Variants in KDM2B observed in about 807,000 individuals in gnomAD.
KDM2B encodes lysine demethylase 2B.
KDM2B carries 26 observed loss-of-function variants against 150.0 expected under a neutral mutation model. The ratio of observed to expected loss-of-function variants is 0.17; its 90% CI spans 0.13 to 0.24. The LOEUF (loss-of-function observed/expected upper bound fraction) is 0.24. KDM2B is among the 10% of genes least tolerant of loss of function. The pLI, the probability that KDM2B is intolerant of heterozygous loss-of-function variation, is 1.00. For synonymous variants in KDM2B, 734 were observed against 729.5 expected, an observed-to-expected ratio of 1.01 and a Z score of -0.10; for missense variants, 1,265 against 1,816.9, an observed-to-expected ratio of 0.70 and a Z score of 5.52.
chr12:121,516,813 A>G, intron 9 of KDM2B: 1 of 677,088 alleles, frequency 1.5e-6, no homozygotes, highest in Non-Finnish European at 2.6e-6. Flanking sequence ...AAGGACTTGA[A>G]AAAGTCAAAA....
chr12:121,529,317 T>A (rs554726592), intron 8 of KDM2B, among the ~76,000 whole-genome samples: 1 of 152,264 alleles, frequency 6.6e-6, no homozygotes. Flanking sequence ...ACCATCAGCA[T>A]CCTATGAGCT....
chr12:121,411,235 A>C, the KDM2B span, among the ~76,000 whole-genome samples: 1 of 151,864 alleles, frequency 6.6e-6, no homozygotes, highest in East Asian at 1.9e-4. Context: ...GCCTGTTTTT[A>C]ATTTTTTATT....
At chr12:121,568,265 T>G (rs1890851556) in intron 4 of KDM2B, among the ~76,000 whole-genome samples, 2 of 151,968 alleles carry the variant, frequency 1.3e-5, no homozygotes, top group Non-Finnish European at 2.9e-5. Flanking sequence ...GCTCAGAAAT[T>G]TGAGACTAGC....
At position 121,467,056 on chromosome 12, in the gene KDM2B, A is replaced by G. The variant is rs1295565312; in HGVS notation, c.1735-13712T>C. On this transcript the variant is annotated intron_variant, in intron 12 of 22. Transcript: ENST00000377071. The surrounding 1 kb of genome is among the most constrained non-coding windows in gnomAD (Gnocchi z 5.1). ...GCAGCGGCAGCAAAACTTTCTCCTCATCGCGGCGGCGGCGGCGTCGCGGCC... is the reference window on the plus strand; with the variant it reads ...GCAGCGGCAGCAAAACTTTCTCCTCGTCGCGGCGGCGGCGGCGTCGCGGCC... 9 of 574,374 alleles carry G rather than the reference A, an allele frequency of 1.6e-5. No individual in the cohort carries two copies. Among genetic ancestry groups the G allele is most frequent in the Non-Finnish European group, 2.0e-5 (9 of 442,032 alleles). The allele number at this position is 574,374 out of a possible 1,614,324, so 35.6% of individuals were successfully genotyped here. A position where few individuals can be genotyped will look rare whatever the true frequency, so the allele number is the denominator to read the frequency against.
rs1482068330 is a variant in KDM2B at position 121,452,517 on chromosome 12, G to A, written c.1959+603C>T. On this transcript the variant is annotated intron_variant, in intron 13 of 22. Coordinates refer to ENST00000377071, the MANE Select transcript of KDM2B (RefSeq NM_032590.5). This position sits in a 1 kb window ranked among gnomAD's most constrained non-coding sequence, Gnocchi z 4.4. ...CCACAGGGAGGACCGCCGGCCCCCG[G>A]GGAGCAGCGCCCTGAGGAAGGCAGA... Among the ~76,000 whole-genome samples, 2 of 152,228 alleles carry A rather than the reference G, an allele frequency of 1.3e-5. No individual in the cohort carries two copies. The highest frequency in any genetic ancestry group is 3.9e-4 in the East Asian group (2 of 5,192).
intron 13 of KDM2B, among the ~76,000 whole-genome samples, chr12:121,448,976 C>T (rs1484532063): frequency 1.3e-5 from 2 of 152,192 alleles, no homozygotes; most frequent in Non-Finnish European, 2.9e-5. Context: ...GGCAAGGCCG[C>T]GGGGCCTCAA....
intron 13 of KDM2B, among the ~76,000 whole-genome samples, chr12:121,449,458 C>A (rs932579605): frequency 2.6e-5 from 4 of 152,050 alleles, no homozygotes; most frequent in African/African-American, 9.7e-5. Flanking sequence ...CCAGAAGCCA[C>A]GTCAAGCTGA....
At position 121,430,313 on chromosome 12, in the gene KDM2B, T is replaced by C. The variant is rs543335672; in HGVS notation, c.3986A>G (p.Glu1329Gly). The C allele has an allele frequency of 1.4e-5, 22 of 1,614,236 alleles. No individual in the cohort carries two copies. In the South Asian group the frequency reaches 2.3e-4, roughly 17 times the overall value. Reference protein sequence around the residue: ...SVSVQFGQVEEKLLQKLS With the variant: ...SVSVQFGQVEGKLLQKLS ...CTAACTCAGTTTTTGCAGGAGTTTT[T>C]CTTCTACTTGCCCAAACTGGACACT... Residue 1329 changes from glutamate to glycine, a missense_variant, in exon 23 of 23, where the codon GAA becomes GGA. Physicochemically the swap from Glu to Gly is moderately conservative, Grantham distance 98. Transcript: ENST00000377071. This position sits in a 1 kb window ranked among gnomAD's most constrained non-coding sequence, Gnocchi z 4.4.
downstream of KDM2B, among the ~76,000 whole-genome samples, chr12:121,424,806 T>C (rs567734553): frequency 5.3e-5 from 8 of 152,296 alleles, no homozygotes; most frequent in South Asian, 4.1e-4. Context: ...TAACTGCTGA[T>C]GTGCTGTTTC....
At chr12:121,415,069 C>G in the KDM2B span, among the ~76,000 whole-genome samples, 19 of 149,786 alleles carry the variant, frequency 1.3e-4, no homozygotes, top group Admixed American at 1.3e-4. Flanking sequence ...ACACTCCAGC[C>G]TGGGCAACAA....
intron 12 of KDM2B, among the ~76,000 whole-genome samples, chr12:121,478,586 T>C (rs1329212222): frequency 2.0e-5 from 3 of 151,366 alleles, no homozygotes; most frequent in Non-Finnish European, 4.4e-5. Context: ...GTCTCGATCT[T>C]CTGACCTCAT....
intron 8 of KDM2B, among the ~76,000 whole-genome samples, chr12:121,522,468 C>G (rs558154459): frequency 1.3e-5 from 2 of 150,174 alleles, no homozygotes; most frequent in Admixed American, 6.7e-5. Flanking sequence ...GAGCCGAGAT[C>G]GCACCATTGC....
In KDM2B at chr12:121,518,917, G is replaced by A. The variant is rs1594031104; in HGVS notation, c.1047+2068C>T. ...GACCCAGACTGTGAGGTGACCGCTTGTATCCAAACAGTGCCTTTCTCCTGA... is the reference window on the plus strand; with the variant it reads ...GACCCAGACTGTGAGGTGACCGCTTATATCCAAACAGTGCCTTTCTCCTGA... On this transcript the variant is annotated intron_variant, in intron 9 of 22. Transcript: ENST00000377071. The surrounding 1 kb of genome is among the most constrained non-coding windows in gnomAD (Gnocchi z 4.4). 6.6e-6 allele frequency among the ~76,000 whole-genome samples: 1 copy of A among 152,328 alleles called. No homozygotes were observed. The highest frequency in any genetic ancestry group is 3.4e-3 in the Middle Eastern group (1 of 294).
intron 13 of KDM2B, among the ~76,000 whole-genome samples, chr12:121,451,187 C>T (rs1271729062): frequency 2.0e-5 from 3 of 152,142 alleles, no homozygotes; most frequent in Non-Finnish European, 4.4e-5. Context: ...CCTCTGCCTA[C>T]ACAATGTGAA....
chr12:121,440,627 T>G, intron 21 of KDM2B, 189 bp downstream of exon 21: 2 of 577,144 alleles, frequency 3.5e-6, no homozygotes, highest in South Asian at 2.4e-5. Flanking sequence ...CAGGAGCGAG[T>G]CTCACGTGTG....
At chr12:121,550,334 A>C (rs1889388657) in intron 4 of KDM2B, among the ~76,000 whole-genome samples, 1 of 151,950 alleles carries the variant, frequency 6.6e-6, no homozygotes, top group African/African-American at 2.4e-5. Flanking sequence ...GAAAGAAAGA[A>C]AAGGAAATAA....
chr12:121,456,355 T>G (rs940855179), intron 12 of KDM2B, among the ~76,000 whole-genome samples: 3 of 152,100 alleles, frequency 2.0e-5, no homozygotes, highest in Non-Finnish European at 4.4e-5. Flanking sequence ...CAAAAACGTT[T>G]CTCCCTGTCA....
chr12:121,476,665 G>A (rs1881421478), intron 12 of KDM2B, among the ~76,000 whole-genome samples: 1 of 152,092 alleles, frequency 6.6e-6, no homozygotes, highest in Non-Finnish European at 1.5e-5. Context: ...TCACTGTGGG[G>A]GTCTGATGGG....
At chr12:121,494,433 A>C in intron 12 of KDM2B, 146 bp downstream of exon 12, 1 of 600,138 alleles carries the variant, frequency 1.7e-6, no homozygotes. Flanking sequence ...AAAACATGGA[A>C]CAAATCACCA....
Sources: allele counts gnomAD v4.1 joint callset (sites outside exome capture counted in the v4.1 genomes callset), GRCh38; gene constraint gnomAD v4.1.1; non-coding constraint Gnocchi (gnomAD v3.1); transcripts MANE v1.5; gene names NCBI Gene and HGNC (gene_info 2026-07-23, HGNC 2026-07-21).